Variants in KCNMB2 observed in about 807,000 individuals in gnomAD.
The protein encoded by KCNMB2 is potassium calcium-activated channel subfamily M regulatory beta subunit 2.
In KCNMB2, 9 loss-of-function variants were observed where a neutral mutation model predicts 24.5. The observed-to-expected ratio is 0.37, with a 90% CI of 0.22 to 0.64. The LOEUF (loss-of-function observed/expected upper bound fraction) is 0.64, where lower values mean the gene tolerates loss of function less well. KCNMB2 is among the 30% of genes least tolerant of loss of function. The pLI is 0.63. For synonymous variants in KCNMB2, 109 were observed against 104.4 expected (o/e 1.04, Z -0.27); for missense variants, 226 against 284.3 (o/e 0.79, Z 1.47).
rs746744485 is a variant in KCNMB2, at chr3:178,733,472, TTTTA to T, written c.-67-73851_-67-73848del. ...AGGGATATAATCTGATTTAAATTTA[TTTTA>T]TTTATTTATTTATTTATTTTTTGAG... On this transcript the variant is annotated intron_variant, in intron 1 of 4. Transcript: ENST00000452583. Among the ~76,000 whole-genome samples, 116 of 150,454 alleles carry T rather than the reference TTTTA, an allele frequency of 7.7e-4. 1 individual carries two copies. The East Asian group carries it at 0.021, about 27-fold the overall frequency.
chr3:178,779,873 C>T (rs1458583864), intron 1 of KCNMB2, among the ~76,000 whole-genome samples: 1 of 152,056 alleles, frequency 6.6e-6, no homozygotes, highest in African/African-American at 2.4e-5. Flanking sequence ...TCCTCATTAA[C>T]TAAGTTAAAT....
chr3:178,843,150 T>C lies in KCNMB2; in HGVS notation c.*213T>C. ...ATAACTGTTTTGTGTTGGTTGGTGGTTTTCATAATCTTATTTCTGTACTGG... is the reference window on the plus strand; with the variant it reads ...ATAACTGTTTTGTGTTGGTTGGTGGCTTTCATAATCTTATTTCTGTACTGG... On this transcript the variant is annotated 3_prime_UTR_variant, in exon 5 of 5. Coordinates refer to ENST00000452583, the MANE Select transcript of KCNMB2 (RefSeq NM_181361.3). The C allele has an allele frequency of 1.6e-6, 1 of 639,348 alleles. No individual in the cohort carries two copies. The highest frequency in any genetic ancestry group is 1.5e-5 in the South Asian group (1 of 65,568). 39.6% of individuals were successfully genotyped at this position (639,348 alleles called of 1,614,324 possible).
intron 1 of KCNMB2, among the ~76,000 whole-genome samples, chr3:178,596,903 C>T (rs371777865): frequency 2.6e-5 from 4 of 152,116 alleles, no homozygotes; most frequent in Admixed American, 2.0e-4. Context: ...ATTGGAGAAC[C>T]TCTTTCAGTT....
In KCNMB2 at chr3:178,757,305, T is replaced by C. The variant is rs1315009240; in HGVS notation, c.-67-50038T>C. ...ATATCCAAGAGGATATATATATATA[T>C]ATCCATCCAAGAGGACATATATATA... On this transcript the variant is annotated intron_variant, in intron 1 of 4. Transcript: ENST00000452583. Among the ~76,000 whole-genome samples the C allele has an allele frequency of 3.0e-4, 37 of 122,780 alleles. 3 individuals carry two copies. The highest frequency in any genetic ancestry group is 1.1e-3 in the African/African-American group (36 of 33,460). 80.5% of individuals were successfully genotyped at this position (122,780 alleles called of 152,430 possible).
chr3:178,789,137 C>T (rs34405554), intron 1 of KCNMB2, among the ~76,000 whole-genome samples: 16,918 of 152,186 alleles, frequency 0.11, 1,036 homozygotes, highest in Non-Finnish European at 0.13. Context: ...CTGAGTTTAA[C>T]GAACCAAGTC....
intron 4 of KCNMB2, among the ~76,000 whole-genome samples, chr3:178,837,370 A>G (rs377170450): frequency 1.9e-4 from 29 of 152,304 alleles, no homozygotes; most frequent in African/African-American, 7.0e-4. Context: ...AGTTTCAAAA[A>G]AATTGATTCT....
intron 1 of KCNMB2, among the ~76,000 whole-genome samples, chr3:178,761,932 G>C (rs1345070514): frequency 6.6e-6 from 1 of 152,178 alleles, no homozygotes; most frequent in East Asian, 1.9e-4. Context: ...AGCACTTTGG[G>C]AGGCCGAGGC....
intron 1 of KCNMB2, among the ~76,000 whole-genome samples, chr3:178,599,711 C>G (rs761744732): frequency 9.2e-5 from 14 of 152,048 alleles, no homozygotes; most frequent in African/African-American, 3.4e-4. Context: ...TTTCCAAAAC[C>G]TTTTCCTCTT....
intron 1 of KCNMB2, among the ~76,000 whole-genome samples, chr3:178,639,610 C>T (rs1719649864): frequency 6.6e-6 from 1 of 152,200 alleles, no homozygotes; most frequent in Admixed American, 6.5e-5. Context: ...TCTTCATCCT[C>T]AGGAGTAACT....
chr3:178,787,343 TCA>T (rs1472847597), intron 1 of KCNMB2, among the ~76,000 whole-genome samples: 3 of 152,326 alleles, frequency 2.0e-5, no homozygotes, highest in Admixed American at 6.5e-5. Flanking sequence ...ATGTATTAAC[TCA>T]CATATATTCA....
chr3:178,792,737 C>A (rs1713373096), intron 1 of KCNMB2, among the ~76,000 whole-genome samples: 1 of 152,148 alleles, frequency 6.6e-6, no homozygotes, highest in African/African-American at 2.4e-5. Flanking sequence ...ATATTCCTTG[C>A]AAATGAAAAC....
intron 1 of KCNMB2, among the ~76,000 whole-genome samples, chr3:178,568,285 G>A (rs9881434): frequency 0.4 from 60,232 of 151,958 alleles, 13,331 homozygotes; most frequent in African/African-American, 0.61. Context: ...GTTCATAAAC[G>A]TCTCAGACTT....
intron 1 of KCNMB2, among the ~76,000 whole-genome samples, chr3:178,640,188 T>C (rs1222514827): frequency 1.3e-5 from 2 of 152,202 alleles, no homozygotes. Context: ...GGTAACTGTA[T>C]TCGTCCGTTT....
At chr3:178,819,036 C>T (rs1714518989) in intron 2 of KCNMB2, among the ~76,000 whole-genome samples, 1 of 152,184 alleles carries the variant, frequency 6.6e-6, no homozygotes, top group African/African-American at 2.4e-5. Flanking sequence ...GGCAGGCTTC[C>T]TAAACCACCT....
At chr3:178,767,765 C>T (rs1027976465) in intron 1 of KCNMB2, among the ~76,000 whole-genome samples, 2 of 152,110 alleles carry the variant, frequency 1.3e-5, no homozygotes, top group Non-Finnish European at 2.9e-5. Flanking sequence ...TCCTTTCCAG[C>T]TTCTCTCTCT....
intron 1 of KCNMB2, among the ~76,000 whole-genome samples, chr3:178,730,309 G>A (rs769884936): frequency 2.0e-5 from 3 of 151,430 alleles, no homozygotes; most frequent in East Asian, 1.9e-4. Flanking sequence ...AGATATTTAC[G>A]GTACTTGCAT....
chr3:178,686,087 T>C (rs1161673870), intron 1 of KCNMB2, among the ~76,000 whole-genome samples: 1 of 152,160 alleles, frequency 6.6e-6, no homozygotes, highest in Non-Finnish European at 1.5e-5. Flanking sequence ...GATGGTCCCA[T>C]ACTTTTGCAA....
intron 2 of KCNMB2, among the ~76,000 whole-genome samples, chr3:178,822,869 T>A (rs940224967): frequency 1.7e-4 from 26 of 152,258 alleles, no homozygotes; most frequent in Non-Finnish European, 1.5e-5. Flanking sequence ...TAGGCTGACA[T>A]AAGTGATGCT....
chr3:178,732,743 CA>C (rs1723193170), intron 1 of KCNMB2, among the ~76,000 whole-genome samples: 1 of 152,104 alleles, frequency 6.6e-6, no homozygotes, highest in African/African-American at 2.4e-5. Flanking sequence ...ATACATGAAA[CA>C]AAGTTGTGTA....
Sources: allele counts gnomAD v4.1 joint callset (sites outside exome capture counted in the v4.1 genomes callset), GRCh38; gene constraint gnomAD v4.1.1; transcripts MANE v1.5; gene names NCBI Gene and HGNC (gene_info 2026-07-23, HGNC 2026-07-21).